Variants in SMYD3 observed in about 807,000 individuals in gnomAD.
The protein encoded by SMYD3 is histone-lysine N-methyltransferase SMYD3.
SMYD3 carries 36 observed loss-of-function variants against 57.7 expected under a neutral mutation model. The observed-to-expected ratio is 0.62, with a 90% CI of 0.48 to 0.82. SMYD3 has a LOEUF of 0.82. SMYD3 is among the 40% of genes least tolerant of loss of function. SMYD3 has a pLI of 0.00. For missense variants in SMYD3, 515 were observed against 538.8 expected (o/e 0.96, Z 0.44); for synonymous variants, 211 against 195.0 (o/e 1.08, Z -0.68).
intron 5 of SMYD3, among the ~76,000 whole-genome samples, chr1:246,092,065 T>C (rs1036203123): frequency 1.9e-4 from 29 of 152,206 alleles, no homozygotes; most frequent in African/African-American, 6.8e-4. Flanking sequence ...TATAAGATTC[T>C]GTTATCCATT....
intron 1 of SMYD3, among the ~76,000 whole-genome samples, chr1:246,423,529 TACCTCTA>T (rs1445958384): frequency 2.0e-5 from 3 of 151,862 alleles, no homozygotes; most frequent in Admixed American, 6.6e-5. Flanking sequence ...AACAAGACCC[TACCTCTA>T]AAAAAATGTT....
chr1:245,908,724 GT>G (rs1275316797), intron 8 of SMYD3, among the ~76,000 whole-genome samples: 1 of 152,174 alleles, frequency 6.6e-6, no homozygotes, highest in Non-Finnish European at 1.5e-5. Context: ...TCTTGGGTCA[GT>G]GAAGCAATTG....
intron 5 of SMYD3, among the ~76,000 whole-genome samples, chr1:246,186,252 C>T (rs866213479): frequency 1.3e-5 from 2 of 152,106 alleles, no homozygotes; most frequent in Non-Finnish European, 2.9e-5. Flanking sequence ...AAAGAAGACA[C>T]AAATACATAA....
At chr1:246,137,942 C>A (rs2061688478) in intron 5 of SMYD3, among the ~76,000 whole-genome samples, 1 of 152,128 alleles carries the variant, frequency 6.6e-6, no homozygotes, top group South Asian at 2.1e-4. Flanking sequence ...GAGATTATTA[C>A]CCTGAATTTT....
At chr1:246,361,224 T>G (rs896238935) in intron 1 of SMYD3, among the ~76,000 whole-genome samples, 3 of 152,076 alleles carry the variant, frequency 2.0e-5, no homozygotes, top group Non-Finnish European at 4.4e-5. Context: ...ATCAGGGAAA[T>G]GCAAATCAAA....
chr1:246,111,736 A>G (rs904379806), intron 5 of SMYD3, among the ~76,000 whole-genome samples: 7 of 152,318 alleles, frequency 4.6e-5, no homozygotes, highest in African/African-American at 1.7e-4. Context: ...GTAATACCAT[A>G]ATGACAGCTA....
chr1:246,004,327 C>G (rs2059133774), intron 5 of SMYD3, among the ~76,000 whole-genome samples: 1 of 152,138 alleles, frequency 6.6e-6, no homozygotes, highest in African/African-American at 2.4e-5. Flanking sequence ...TACCGCTCAC[C>G]CCAGTTTTCA....
At chr1:246,157,646 C>CT (rs34008506) in intron 5 of SMYD3, among the ~76,000 whole-genome samples, 129,773 of 152,044 alleles carry the variant, frequency 0.85, 55,705 homozygotes, top group African/African-American at 0.93. Context: ...TAAGCTTTGT[C>CT]TTTTTTCCCC....
At chr1:245,987,393 C>T (rs922064092) in intron 5 of SMYD3, among the ~76,000 whole-genome samples, 9 of 152,154 alleles carry the variant, frequency 5.9e-5, no homozygotes, top group African/African-American at 2.2e-4. Context: ...ACCCACTACA[C>T]ACCATTACTG....
chr1:246,029,596 C>T (rs1305211103), intron 5 of SMYD3, among the ~76,000 whole-genome samples: 8 of 149,328 alleles, frequency 5.4e-5, no homozygotes, highest in South Asian at 4.3e-4. Context: ...TGCTTGAGCC[C>T]GGGAGACAGA....
Position 246,438,442 on chromosome 1 carries a change from C to G in SMYD3, c.164+68612G>C, listed in dbSNP as rs1029718951. Among the ~76,000 whole-genome samples, 55 of 152,142 alleles carry G rather than the reference C, an allele frequency of 3.6e-4. 1 individual carries two copies. Among genetic ancestry groups the G allele is most frequent in the African/African-American group, 1.3e-3 (52 of 41,502 alleles). ...ACAAGTGGAGTAAGACACTGAAAAA[C>G]GAAGTCAACTCAGGACCAGAGGAAC... On this transcript the variant is annotated intron_variant, in intron 1 of 11. Coordinates refer to ENST00000490107, the MANE Select transcript of SMYD3 (RefSeq NM_001167740.2).
At chr1:245,987,282 G>C (rs1262835602) in intron 5 of SMYD3, among the ~76,000 whole-genome samples, 1 of 152,148 alleles carries the variant, frequency 6.6e-6, no homozygotes, top group Admixed American at 6.5e-5. Flanking sequence ...AATACCCAGA[G>C]GATATCTGCA....
chr1:245,966,168 TTCTC>T (rs752119449), intron 5 of SMYD3, among the ~76,000 whole-genome samples: 22 of 152,020 alleles, frequency 1.4e-4, no homozygotes, highest in South Asian at 6.2e-4. Context: ...CCTTCTCTCC[TTCTC>T]TCTCTCTCTT....
intron 7 of SMYD3, among the ~76,000 whole-genome samples, chr1:245,924,655 CTT>C (rs150323644): frequency 0.01 from 980 of 94,626 alleles, 5 homozygotes; most frequent in African/African-American, 0.034. Context: ...TCTATTCCAG[CTT>C]TTTTTTTTTT....
chr1:245,787,287 TC>T (rs1415710310), intron 10 of SMYD3, among the ~76,000 whole-genome samples: 12 of 152,194 alleles, frequency 7.9e-5, no homozygotes, highest in African/African-American at 2.9e-4. Flanking sequence ...TCTCCCTCTC[TC>T]TGAAGGTCTA....
chr1:246,208,486 G>T (rs2063035520), intron 5 of SMYD3, among the ~76,000 whole-genome samples: 1 of 152,070 alleles, frequency 6.6e-6, no homozygotes, highest in African/African-American at 2.4e-5. Context: ...AATCATGTCT[G>T]CCTTTCAACT....
intron 5 of SMYD3, among the ~76,000 whole-genome samples, chr1:246,192,852 T>G (rs929293727): frequency 6.6e-6 from 1 of 152,084 alleles, no homozygotes; most frequent in Non-Finnish European, 1.5e-5. Flanking sequence ...ATCTTTACAT[T>G]TTCTTGGCAA....
chr1:245,987,776 G>A (rs1490823610), intron 5 of SMYD3, among the ~76,000 whole-genome samples: 1 of 152,178 alleles, frequency 6.6e-6, no homozygotes, highest in Non-Finnish European at 1.5e-5. Flanking sequence ...TGAAGCAAAG[G>A]CTCATGGGTG....
intron 1 of SMYD3, among the ~76,000 whole-genome samples, chr1:246,473,494 T>C (rs1400541811): frequency 2.6e-5 from 4 of 152,222 alleles, no homozygotes; most frequent in Non-Finnish European, 5.9e-5. Flanking sequence ...ACCATTTTTC[T>C]AAAAACATTA....
Sources: gnomAD v4.1 joint callset for allele counts (sites outside exome capture counted in the v4.1 genomes callset) on GRCh38, gnomAD v4.1.1 for gene constraint, MANE v1.5 for transcripts, NCBI Gene and HGNC (gene_info 2026-07-23, HGNC 2026-07-21) for gene names.